Variants in ZNRF1 observed in about 807,000 individuals in gnomAD.
The protein encoded by ZNRF1 is E3 ubiquitin-protein ligase ZNRF1.
Under a neutral mutation model 18.4 loss-of-function variants are expected in ZNRF1, and 3 were observed. The ratio of observed to expected loss-of-function variants is 0.16; its 90% CI spans 0.07 to 0.42. The LOEUF (loss-of-function observed/expected upper bound fraction) is 0.42. Among genes scored for constraint, ZNRF1 ranks in the 10% least tolerant of loss-of-function variants. The probability of loss-of-function intolerance (pLI) is 0.99; values close to 1 mark genes in which losing one functional copy is unlikely to be tolerated. For missense variants in ZNRF1, 310 were observed against 329.8 expected, an observed-to-expected ratio of 0.94 and a Z score of 0.47; for synonymous variants, 157 against 144.2, an observed-to-expected ratio of 1.09 and a Z score of -0.64.
intron 1 of ZNRF1, among the ~76,000 whole-genome samples, chr16:75,049,931 C>A (rs1346116987): frequency 1.3e-5 from 2 of 151,756 alleles, no homozygotes; most frequent in African/African-American, 4.8e-5. Context: ...ATCAAGATAA[C>A]TGTTCCACTA....
chr16:75,092,395 G>A (rs184193310), intron 1 of ZNRF1, among the ~76,000 whole-genome samples: 1 of 152,266 alleles, frequency 6.6e-6, no homozygotes, highest in African/African-American at 2.4e-5. Context: ...TGCCACATTA[G>A]GAAGTCCAGG....
At chr16:75,054,000 G>GA (rs573752883) in intron 1 of ZNRF1, among the ~76,000 whole-genome samples, 7 of 152,150 alleles carry the variant, frequency 4.6e-5, no homozygotes, top group Non-Finnish European at 1.0e-4. Context: ...TATGAACTAT[G>GA]TGTCTTCCCC....
chr16:75,000,441 A>G, intron 1 of ZNRF1: 1 of 469,534 alleles, frequency 2.1e-6, no homozygotes, highest in Non-Finnish European at 4.2e-6. Flanking sequence ...CTGCCACTGC[A>G]GCACTGTGCC....
chr16:75,048,204 G>A (rs1370943835), intron 1 of ZNRF1, among the ~76,000 whole-genome samples: 1 of 152,070 alleles, frequency 6.6e-6, no homozygotes, highest in Non-Finnish European at 1.5e-5. Flanking sequence ...ACCTGCCTTG[G>A]CTTCCCAAAG....
intron 2 of ZNRF1, among the ~76,000 whole-genome samples, chr16:75,097,969 C>T (rs1008918243): frequency 3.9e-5 from 6 of 152,240 alleles, no homozygotes; most frequent in Non-Finnish European, 7.3e-5. Context: ...AAGCACCCTA[C>T]CCTTTCCCTG....
At chr16:75,048,238 A>C (rs966279291) in intron 1 of ZNRF1, among the ~76,000 whole-genome samples, 2 of 152,206 alleles carry the variant, frequency 1.3e-5, no homozygotes, top group Non-Finnish European at 2.9e-5. Context: ...GACATGAGTC[A>C]GCCCCAGCCC....
Position 75,106,568 on chromosome 16 carries a change from A to C in ZNRF1, c.*29A>C. The stretch of plus-strand genomic sequence containing the variant: ...GCGGGCTTGCTTGCTGACTCCTCTC[A>C]AAGGTGAGCCCGCGTTTGGGGGTGC... On this transcript the variant is annotated 3_prime_UTR_variant, in exon 4 of 5. Coordinates refer to ENST00000335325, the MANE Select transcript of ZNRF1 (RefSeq NM_032268.5). 3.1e-6 allele frequency: 5 copies of C among 1,613,734 alleles called. No individual in the cohort carries two copies. Among genetic ancestry groups the C allele is most frequent in the Non-Finnish European group, 4.2e-6 (5 of 1,179,824 alleles).
rs372444530 is a variant in ZNRF1, at chr16:75,033,084, C to G, written c.424+32989C>G. 1.1e-4 allele frequency among the ~76,000 whole-genome samples: 17 copies of G among 152,174 alleles called. 2 individuals carry two copies. Among genetic ancestry groups the G allele is most frequent in the South Asian group, 1.0e-3 (5 of 4,822 alleles). On this transcript the variant is annotated intron_variant, in intron 1 of 4. Transcript: ENST00000335325. ...TATTTCTGGACTTTATTCTGTTTTT[C>G]TTTATACGTCTGTCCTTAAGCCAAT...
chr16:75,010,092 C>T (rs918271739), intron 1 of ZNRF1, among the ~76,000 whole-genome samples: 1 of 152,138 alleles, frequency 6.6e-6, no homozygotes, highest in South Asian at 2.1e-4. Context: ...AAGCGATTCT[C>T]CTGCCTCAGC....
At chr16:75,032,480 C>T (rs2042465330) in intron 1 of ZNRF1, among the ~76,000 whole-genome samples, 1 of 152,008 alleles carries the variant, frequency 6.6e-6, no homozygotes, top group African/African-American at 2.4e-5. Context: ...TGTCAATTGA[C>T]TTTGTCAATT....
chr16:75,033,759 T>G (rs2035339087), intron 1 of ZNRF1, among the ~76,000 whole-genome samples: 1 of 152,214 alleles, frequency 6.6e-6, no homozygotes, highest in Admixed American at 6.5e-5. Context: ...ATAAAAGTCT[T>G]GTGCACATTT....
intron 1 of ZNRF1, among the ~76,000 whole-genome samples, chr16:75,049,845 T>TTGTGTGTG (rs56377786): frequency 0.02 from 2,938 of 149,324 alleles, 44 homozygotes; most frequent in Non-Finnish European, 0.026. Context: ...ATGCACCCAT[T>TTGTGTGTG]TGTGTGTGTG....
Position 75,028,230 on chromosome 16 carries a change from T to A in ZNRF1, c.424+28135T>A, listed in dbSNP as rs952609595. Reference sequence around the variant, plus strand: ...ATTTCTTCCATCTTGAAAACAGGAATAACAAATTAACTTATCATGATTCTA... The same window carrying A: ...ATTTCTTCCATCTTGAAAACAGGAAAAACAAATTAACTTATCATGATTCTA... On this transcript the variant is annotated intron_variant, in intron 1 of 4. Coordinates refer to ENST00000335325, the MANE Select transcript of ZNRF1 (RefSeq NM_032268.5). 2.0e-5 allele frequency among the ~76,000 whole-genome samples: 3 copies of A among 152,218 alleles called. No individual in the cohort carries two copies. The East Asian group carries it at 5.8e-4, about 29-fold the overall frequency.
intron 1 of ZNRF1, among the ~76,000 whole-genome samples, chr16:75,047,276 A>C (rs1030097858): frequency 6.6e-6 from 1 of 152,114 alleles, no homozygotes; most frequent in African/African-American, 2.4e-5. Flanking sequence ...GGGCTCAAGC[A>C]GTCTTCCTGC....
intron 1 of ZNRF1, among the ~76,000 whole-genome samples, chr16:75,055,310 A>G (rs564215588): frequency 7.2e-5 from 11 of 152,172 alleles, no homozygotes; most frequent in Non-Finnish European, 1.3e-4. Context: ...GTCTCGCTGT[A>G]TCACCCAGGC....
At chr16:75,011,670 A>G (rs1164616794) in intron 1 of ZNRF1, among the ~76,000 whole-genome samples, 1 of 152,238 alleles carries the variant, frequency 6.6e-6, no homozygotes, top group Non-Finnish European at 1.5e-5. Flanking sequence ...AGTGCCCTGG[A>G]AAGCTATAAG....
At chr16:75,090,685 G>A (rs751861275) in intron 1 of ZNRF1, among the ~76,000 whole-genome samples, 8 of 152,122 alleles carry the variant, frequency 5.3e-5, no homozygotes, top group South Asian at 2.1e-4. Flanking sequence ...GGGAAATGGC[G>A]ACTGTGCCAT....
At chr16:75,007,146 C>T (rs1027239882) in intron 1 of ZNRF1, among the ~76,000 whole-genome samples, 1 of 151,452 alleles carries the variant, frequency 6.6e-6, no homozygotes, top group Non-Finnish European at 1.5e-5. Flanking sequence ...CAGCCTCAGC[C>T]TGTAGGGCTC....
chr16:75,107,302 C>A, intron 4 of ZNRF1: 1 of 181,076 alleles, frequency 5.5e-6, no homozygotes, highest in Admixed American at 5.5e-5. Context: ...TTCTGGCAAA[C>A]AAGTAGACAA....
Sources: allele counts gnomAD v4.1 joint callset (sites outside exome capture counted in the v4.1 genomes callset), GRCh38; gene constraint gnomAD v4.1.1; transcripts MANE v1.5; gene names NCBI Gene and HGNC (gene_info 2026-07-23, HGNC 2026-07-21).